Variants in WDR90 observed in about 807,000 individuals in gnomAD.
The protein encoded by WDR90 is WD repeat-containing protein 90.
WDR90 carries 238 observed loss-of-function variants against 195.2 expected under a neutral mutation model. The ratio of observed to expected loss-of-function variants is 1.22; its 90% CI spans 1.10 to 1.36. The LOEUF (loss-of-function observed/expected upper bound fraction) is 1.36. WDR90 is among the 40% of genes most tolerant of loss of function. The pLI is 0.00. For missense variants in WDR90, 2,734 were observed against 2,439.5 expected (o/e 1.12, Z -2.54); for synonymous variants, 1,265 against 1,052.4 (o/e 1.20, Z -3.91).
intron 17 of WDR90, 36 bp from the exon 18 acceptor site, chr16:656,266 T>C: frequency 1.3e-6 from 2 of 1,574,660 alleles, no homozygotes; most frequent in Non-Finnish European, 1.7e-6. Context: ...CACCCCGGGG[T>C]GGCCCTGGAG....
chr16:662,449 C>T (rs2037937508), intron 33 of WDR90, 118 bp downstream of exon 33: 9 of 1,334,362 alleles, frequency 6.7e-6, no homozygotes, highest in Non-Finnish European at 8.2e-6. Flanking sequence ...CGCCTGCTAG[C>T]CCCTCCAAGG....
Position 666,665 on chromosome 16 carries a change from C to T in WDR90, c.4885-8C>T, listed in dbSNP as rs1243165275. ...TCCACCCCACCGCAGCATGCTGCGC[C>T]TTTGCAGACTCAGGGCCACCTGCCA... On this transcript the variant is annotated splice_polypyrimidine_tract_variant and splice_region_variant and intron_variant, in intron 38 of 40. Transcript: ENST00000293879. The T allele has an allele frequency of 1.9e-6, 3 of 1,612,556 alleles. No individual in the cohort carries two copies. The South Asian group carries it at 3.3e-5, about 18-fold the overall frequency.
chr16:658,761 TGAGA>T, intron 23 of WDR90, 108 bp downstream of exon 23: 1 of 1,552,696 alleles, frequency 6.4e-7, no homozygotes, highest in Non-Finnish European at 8.7e-7. Context: ...AGGTGAGGGG[TGAGA>T]GTGACCCCCC....
Position 655,136 on chromosome 16 carries a change from T to G in WDR90, c.1545T>G (p.Phe515Leu). ...FDVQAFRVTFFDETRMASCGQ... is the reference protein window; with the variant it reads ...FDVQAFRVTFLDETRMASCGQ... ...TCCAGGCCTTCCGGGTCACCTTTTT[T>G]GATGAAACCAGGTGATGCAGCCGCC... Residue 515 changes from phenylalanine to leucine, a missense_variant, in exon 14 of 41, where the codon TTT (phenylalanine) becomes TTG (leucine). Physicochemically the swap from Phe to Leu is conservative, Grantham distance 22. Coordinates refer to ENST00000293879, the MANE Select transcript of WDR90 (RefSeq NM_145294.5). The G allele has an allele frequency of 6.2e-7, 1 of 1,612,654 alleles. No individual in the cohort carries two copies. Among genetic ancestry groups the G allele is most frequent in the Non-Finnish European group, 8.5e-7 (1 of 1,179,794 alleles).
In WDR90 at chr16:665,773, T is replaced by C. The variant is rs1297845351; in HGVS notation, c.4406T>C (p.Leu1469Pro). The C allele has an allele frequency of 1.3e-6, 2 of 1,599,068 alleles. No homozygotes were observed. Among genetic ancestry groups the C allele is most frequent in the Admixed American group, 3.4e-5 (2 of 59,420 alleles). ...GTGTGGGCCTTGGCCAGCATGGAGC[T>C]TGTGATCCAGTTCCAGGTGCTGAAC... is the stretch of plus-strand genomic sequence containing the variant. ...VRVWALASME[L>P]VIQFQVLNQS... The change falls in exon 35 of 41, where the codon CTT becomes CCT. Residue 1469 changes from leucine to proline, a missense_variant. Transcript: ENST00000293879.
At chr16:650,904 G>A (rs2037632188) in intron 5 of WDR90, 91 bp from the exon 6 acceptor site, 5 of 1,522,106 alleles carry the variant, frequency 3.3e-6, no homozygotes, top group Non-Finnish European at 4.5e-6. Flanking sequence ...GGCGGTGGCT[G>A]GGCTGGTGGC....
In WDR90 at chr16:653,575, G is replaced by T. The variant is rs573780137; in HGVS notation, c.1284G>T (p.Gln428His). The change falls in exon 12 of 41, where the codon CAG becomes CAT. Residue 428 changes from glutamine (Q) to histidine (H), a missense_variant. Coordinates refer to ENST00000293879, the MANE Select transcript of WDR90 (RefSeq NM_145294.5). ...GCAGCTCACTATTGGCCTCGGCCCA[G>T]GCAAGGGCCCCTAGTGTGATGCGGC... ...DGSSSLLASA[Q>H]ARAPSVMRLW... The T allele has an allele frequency of 1.9e-6, 3 of 1,613,532 alleles. No individual in the cohort carries two copies. In the Admixed American group the frequency reaches 5.0e-5, roughly 27 times the overall value.
chr16:651,321 C>T (rs2037643246), intron 7 of WDR90, 55 bp downstream of exon 7: 1 of 1,587,312 alleles, frequency 6.3e-7, no homozygotes, highest in South Asian at 1.1e-5. Flanking sequence ...GTGCGTGGGG[C>T]TCGGTAGGAG....
In WDR90 at chr16:657,133, C is replaced by T. The variant is rs776496154; in HGVS notation, c.2385C>T (p.Asp795=). 1.5e-5 allele frequency: 24 copies of T among 1,580,014 alleles called. No homozygotes were observed. Among genetic ancestry groups the T allele is most frequent in the East Asian group, 4.7e-5 (2 of 42,558 alleles). The change falls in exon 20 of 41, where the codon GAC becomes GAT. Residue 795 remains aspartate (D), a synonymous_variant. Transcript: ENST00000293879. ...TCACCGGCCTGACCGCCACCCCTGA[C>T]GGCCGCCTGCTCTTCAGCTCCTGCT... The part of the protein sequence containing the change: ...GAVTGLTATP[D]GRLLFSSCSQ...
chr16:650,932 G>T (rs1188287273), intron 5 of WDR90, 63 bp from the exon 6 acceptor site: 2 of 1,577,718 alleles, frequency 1.3e-6, no homozygotes, highest in South Asian at 2.2e-5. Flanking sequence ...TGCCTTGGCG[G>T]GTGCCCTGTG....
At position 651,282 on chromosome 16, in the gene WDR90, C is replaced by T. The variant is rs2037641969; in HGVS notation, c.736+16C>T. 1.2e-6 allele frequency: 2 copies of T among 1,612,570 alleles called. No individual in the cohort carries two copies. The highest frequency in any genetic ancestry group is 4.5e-5 in the East Asian group (2 of 44,860). On this transcript the variant is annotated intron_variant, in intron 7 of 40. Coordinates refer to ENST00000293879, the MANE Select transcript of WDR90 (RefSeq NM_145294.5). ...CCTGAGGCAGGTGGGTCTGGGGGGT[C>T]AGCGGGGACCCAGGTTAAGGCCTGT...
At chr16:656,219 C>A in intron 17 of WDR90, 83 bp from the exon 18 acceptor site, 1 of 1,303,186 alleles carries the variant, frequency 7.7e-7, no homozygotes, top group Non-Finnish European at 1.1e-6. Flanking sequence ...AGTGCATTTG[C>A]TGGGGTGTCG....
intron 34 of WDR90, chr16:663,106 T>TTTTG (rs760526002): frequency 1.4e-5 from 9 of 627,436 alleles, no homozygotes; most frequent in East Asian, 3.0e-5. Context: ...CTTTGCGTTT[T>TTTTG]TTTGTTTGTT....
intron 34 of WDR90, among the ~76,000 whole-genome samples, chr16:664,772 C>T (rs1033558267): frequency 4.6e-5 from 7 of 151,956 alleles, no homozygotes; most frequent in East Asian, 1.9e-4. Flanking sequence ...CTCCGCCTCC[C>T]GGGTTCACAC....
chr16:655,890 G>T lies in WDR90; in HGVS notation c.1966+1G>T, dbSNP rs774357865. 1.3e-6 allele frequency: 2 copies of T among 1,591,030 alleles called. No individual in the cohort carries two copies. The highest frequency in any genetic ancestry group is 1.7e-6 in the Non-Finnish European group (2 of 1,172,636). On this transcript the variant is annotated splice_donor_variant, in intron 17 of 40. Coordinates refer to ENST00000293879, the MANE Select transcript of WDR90 (RefSeq NM_145294.5). LOFTEE classifies it high-confidence loss of function. ...TTCTCCTCGGTGCTCCTGGAGGCAG[G>T]TGATGCTGTGGGCACGCTCTCCCAA...
chr16:652,667 C>G, intron 10 of WDR90, 132 bp downstream of exon 10: 1 of 965,680 alleles, frequency 1.0e-6, no homozygotes, highest in Non-Finnish European at 1.4e-6. Context: ...CCTGGCACAG[C>G]GGTCCCGTCC....
rs1336034621 is a variant in WDR90, at chr16:651,328, G to A, written c.736+62G>A. ...CCTGTAGGGTGCGTGGGGCTCGGTA[G>A]GAGAGGGCAGGGCTGGGAAAGGACC... is the stretch of plus-strand genomic sequence containing the variant. On this transcript the variant is annotated intron_variant, in intron 7 of 40. Transcript: ENST00000293879. The A allele has an allele frequency of 6.4e-6, 10 of 1,567,778 alleles. No individual in the cohort carries two copies. The African/African-American group carries it at 6.8e-5, about 11-fold the overall frequency.
chr16:661,274 C>T (rs1487083812), intron 29 of WDR90, 68 bp from the exon 30 acceptor site: 68 of 1,533,358 alleles, frequency 4.4e-5, no homozygotes, highest in Non-Finnish European at 5.4e-5. Flanking sequence ...ACGGAGCAGA[C>T]GGCCACCCCA....
Position 666,296 on chromosome 16 carries a change from G to C in WDR90, c.4686G>C (p.Val1562=), listed in dbSNP as rs2038039044. ...SHPCTGTTFR[V]LSDHQGAPIS... is the part of the protein sequence containing the mutation. ...CCTGCACAGGGACAACCTTCCGTGTGCTGAGTGACCACCAGGGCGCCCCAA... is the reference window on the plus strand; with the variant it reads ...CCTGCACAGGGACAACCTTCCGTGTCCTGAGTGACCACCAGGGCGCCCCAA... The change falls in exon 37 of 41, where the codon GTG becomes GTC. Residue 1562 remains valine, a synonymous_variant. Coordinates refer to ENST00000293879, the MANE Select transcript of WDR90 (RefSeq NM_145294.5). 1 of 1,612,734 alleles carries C rather than the reference G, an allele frequency of 6.2e-7. No homozygotes were observed. Among genetic ancestry groups the C allele is most frequent in the Non-Finnish European group, 8.5e-7 (1 of 1,179,996 alleles).
Sources: allele counts gnomAD v4.1 joint callset (sites outside exome capture counted in the v4.1 genomes callset), GRCh38; gene constraint gnomAD v4.1.1; transcripts MANE v1.5; gene names NCBI Gene and HGNC (gene_info 2026-07-23, HGNC 2026-07-21).